The following B3GNT2 variants were observed in gnomAD, a reference collection of about 807,000 sequenced individuals.
B3GNT2 encodes N-acetyllactosaminide beta-1,3-N-acetylglucosaminyltransferase 2.
Under a neutral mutation model 27.6 loss-of-function variants are expected in B3GNT2, and 12 were observed. The ratio of observed to expected loss-of-function variants is 0.44; its 90% CI spans 0.28 to 0.71. The LOEUF (loss-of-function observed/expected upper bound fraction) is 0.71. Ranked by LOEUF, B3GNT2 falls within the 30% of genes least tolerant of loss-of-function variation. The pLI, the probability that B3GNT2 is intolerant of heterozygous loss-of-function variation, is 0.17. For synonymous variants in B3GNT2, 192 were observed against 189.7 expected (o/e 1.01, Z -0.10); for missense variants, 413 against 488.5 (o/e 0.85, Z 1.46).
rs201194611 is a variant in B3GNT2 at position 62,222,660 on chromosome 2, C to T, written c.440C>T (p.Ala147Val). The T allele has an allele frequency of 3.1e-6, 5 of 1,614,200 alleles. No homozygotes were observed. The highest frequency in any genetic ancestry group is 2.2e-5 in the South Asian group (2 of 91,084). ...KCAKKPFLLL[A>V]IKSLTPHFAR... Reference sequence around the variant, plus strand: ...GCAAAGAAACCTTTCTTGTTGCTGGCGATTAAGTCCCTCACTCCACATTTT... The same window carrying T: ...GCAAAGAAACCTTTCTTGTTGCTGGTGATTAAGTCCCTCACTCCACATTTT... Residue 147 changes from alanine to valine, a missense_variant, in exon 2 of 2, where the codon GCG (alanine) becomes GTG (valine). Transcript: ENST00000301998. The surrounding 1 kb of genome is among the most constrained non-coding windows in gnomAD (Gnocchi z 4.2).
intron 1 of B3GNT2, among the ~76,000 whole-genome samples, chr2:62,207,186 GT>G (rs915420914): frequency 2.5e-4 from 36 of 145,164 alleles, no homozygotes; most frequent in Admixed American, 1.3e-3. Flanking sequence ...CTACAGTTTT[GT>G]TTTTTTTTTT....
At position 62,202,589 on chromosome 2, in the gene B3GNT2, A is replaced by G. The variant is rs545807201; in HGVS notation, c.-10+6234A>G. Among the ~76,000 whole-genome samples the G allele has an allele frequency of 2.6e-5, 4 of 152,178 alleles. No individual in the cohort carries two copies. In the East Asian group the frequency reaches 7.7e-4, roughly 29 times the overall value. ...GAGAGAGAGGGTGTGGGTGCTGACA[A>G]GTTATGGCCAGGCTTGCATTGAGGA... On this transcript the variant is annotated intron_variant, in intron 1 of 1. Coordinates refer to ENST00000301998, the MANE Select transcript of B3GNT2 (RefSeq NM_006577.6).
At position 62,222,429 on chromosome 2, in the gene B3GNT2, A is replaced by G. The variant is rs778882641; in HGVS notation, c.209A>G (p.Tyr70Cys). Residue 70 changes from tyrosine to cysteine, a missense_variant, in exon 2 of 2, where the codon TAC becomes TGC. Physicochemically the swap from Tyr to Cys is radical, Grantham distance 194. Transcript: ENST00000301998. This position sits in a 1 kb window ranked among gnomAD's most constrained non-coding sequence, Gnocchi z 4.2. ...GAGCAAGAGAAGCTGAACCGGCAGTACAACCCCATCCTGAGCATGCTGACC... is the reference window on the plus strand; with the variant it reads ...GAGCAAGAGAAGCTGAACCGGCAGTGCAACCCCATCCTGAGCATGCTGACC... ...NREQEKLNRQ[Y>C]NPILSMLTNQ... 1.2e-6 allele frequency: 2 copies of G among 1,614,174 alleles called. No homozygotes were observed. Among genetic ancestry groups the G allele is most frequent in the South Asian group, 1.1e-5 (1 of 91,068 alleles).
chr2:62,206,212 G>A (rs548773184), intron 1 of B3GNT2, among the ~76,000 whole-genome samples: 67 of 152,218 alleles, frequency 4.4e-4, no homozygotes, highest in African/African-American at 1.5e-3. Flanking sequence ...CGTGCTCAGC[G>A]AGGATGGGGA....
At chr2:62,211,582 T>C (rs938021846) in intron 1 of B3GNT2, among the ~76,000 whole-genome samples, 2 of 152,218 alleles carry the variant, frequency 1.3e-5, no homozygotes, top group African/African-American at 4.8e-5. Flanking sequence ...TGTGATGTGG[T>C]CAGTTTTCTG....
chr2:62,222,716 G>A lies in B3GNT2; in HGVS notation c.496G>A (p.Gly166Ser), dbSNP rs370993124. ...ARRQAIRESWGQESNAGNQTV... is the reference protein window; with the variant it reads ...ARRQAIRESWSQESNAGNQTV... ...AAGGCAAGCAATCCGGGAATCCTGG[G>A]GCCAAGAAAGCAACGCAGGGAACCA... The change falls in exon 2 of 2, where the codon GGC (glycine) becomes AGC (serine). Residue 166 changes from glycine (G) to serine (S), a missense_variant. Gly to Ser is a moderately conservative substitution (Grantham distance 56). Coordinates refer to ENST00000301998, the MANE Select transcript of B3GNT2 (RefSeq NM_006577.6). This position sits in a 1 kb window ranked among gnomAD's most constrained non-coding sequence, Gnocchi z 4.2. 5.6e-6 allele frequency: 9 copies of A among 1,614,058 alleles called. No individual in the cohort carries two copies. The highest frequency in any genetic ancestry group is 4.0e-5 in the African/African-American group (3 of 74,922).
At chr2:62,211,491 G>C (rs187529616) in intron 1 of B3GNT2, among the ~76,000 whole-genome samples, 4 of 152,266 alleles carry the variant, frequency 2.6e-5, no homozygotes, top group Admixed American at 6.5e-5. Flanking sequence ...TAAGTCTTCG[G>C]GACAACAAAA....
At chr2:62,216,696 A>C (rs1674581565) in intron 1 of B3GNT2, among the ~76,000 whole-genome samples, 1 of 152,106 alleles carries the variant, frequency 6.6e-6, no homozygotes, top group Non-Finnish European at 1.5e-5. Flanking sequence ...GAGCCATGGC[A>C]CCCAGCCCAT....
chr2:62,223,326 A>G lies in B3GNT2; in HGVS notation c.1106A>G (p.Tyr369Cys), dbSNP rs755262144. The stretch of plus-strand genomic sequence containing the variant: ...AAAAACAAAAATAACATCTGCTCCT[A>G]TGTAGATCTGATGTTAGTACATAGT... ...EEKNKNNICS[Y>C]VDLMLVHSRK... is the part of the protein sequence containing the mutation. Residue 369 changes from tyrosine (Y) to cysteine (C), a missense_variant, in exon 2 of 2, where the codon TAT becomes TGT. By Grantham distance (194) the Tyr-to-Cys change is radical. Coordinates refer to ENST00000301998, the MANE Select transcript of B3GNT2 (RefSeq NM_006577.6). The G allele has an allele frequency of 1.9e-6, 3 of 1,613,800 alleles. No homozygotes were observed. Among genetic ancestry groups the G allele is most frequent in the Non-Finnish European group, 2.5e-6 (3 of 1,179,866 alleles).
At chr2:62,216,858 G>A (rs769207050) in intron 1 of B3GNT2, among the ~76,000 whole-genome samples, 2 of 152,368 alleles carry the variant, frequency 1.3e-5, no homozygotes, top group Non-Finnish European at 2.9e-5. Context: ...TAAAGTCCAC[G>A]TGAGTCACTG....
intron 1 of B3GNT2, among the ~76,000 whole-genome samples, chr2:62,206,181 T>C (rs906801605): frequency 6.6e-6 from 1 of 152,164 alleles, no homozygotes; most frequent in African/African-American, 2.4e-5. Flanking sequence ...GTGGCCTGCC[T>C]GGATCAAGGA....
chr2:62,213,139 C>G (rs1206464731), intron 1 of B3GNT2, among the ~76,000 whole-genome samples: 2 of 152,062 alleles, frequency 1.3e-5, no homozygotes, highest in East Asian at 3.9e-4. Flanking sequence ...GAGGAGACCT[C>G]GTCTCTACAA....
intron 1 of B3GNT2, among the ~76,000 whole-genome samples, chr2:62,201,742 C>A (rs892923238): frequency 1.3e-5 from 2 of 152,242 alleles, no homozygotes; most frequent in Admixed American, 6.5e-5. Context: ...CACCCTCTCT[C>A]ACCACTATAA....
Position 62,222,797 on chromosome 2 carries a change from G to C in B3GNT2, c.577G>C (p.Asp193His). 1.2e-6 allele frequency: 2 copies of C among 1,614,114 alleles called. No individual in the cohort carries two copies. The highest frequency in any genetic ancestry group is 2.2e-5 in the East Asian group (1 of 44,880). ...GACACCCCCAGAGGACAACCACCCC[G>C]ACCTTTCAGATATGCTGAAATTTGA... ...GQTPPEDNHP[D>H]LSDMLKFESE... is the part of the protein sequence containing the mutation. The change falls in exon 2 of 2, where the codon GAC becomes CAC. Residue 193 changes from aspartate (D) to histidine (H), a missense_variant. Physicochemically the swap from Asp to His is moderately conservative, Grantham distance 81. Coordinates refer to ENST00000301998, the MANE Select transcript of B3GNT2 (RefSeq NM_006577.6). This position sits in a 1 kb window ranked among gnomAD's most constrained non-coding sequence, Gnocchi z 4.2.
chr2:62,216,440 C>G (rs953595164), intron 1 of B3GNT2, among the ~76,000 whole-genome samples: 1 of 150,996 alleles, frequency 6.6e-6, no homozygotes, highest in Non-Finnish European at 1.5e-5. Flanking sequence ...GGGTCTCACT[C>G]TGTCACTCAG....
chr2:62,201,863 A>T (rs1051458337), intron 1 of B3GNT2, among the ~76,000 whole-genome samples: 10 of 152,210 alleles, frequency 6.6e-5, no homozygotes, highest in Non-Finnish European at 1.3e-4. Flanking sequence ...TTTAAAACAA[A>T]ATATGGGCCT....
chr2:62,207,082 T>A (rs1674389069), intron 1 of B3GNT2, among the ~76,000 whole-genome samples: 1 of 152,246 alleles, frequency 6.6e-6, no homozygotes, highest in Non-Finnish European at 1.5e-5. Flanking sequence ...GCATGTTCAA[T>A]GCTTTTTTGA....
At position 62,224,218 on chromosome 2, in the gene B3GNT2, G is replaced by A. The variant is rs2104218135; in HGVS notation, c.*804G>A. On this transcript the variant is annotated 3_prime_UTR_variant, in exon 2 of 2. Coordinates refer to ENST00000301998, the MANE Select transcript of B3GNT2 (RefSeq NM_006577.6). ...TTAGTGAATTTTCAATATGGACCAG[G>A]AAGGCATATGTATTTTGAACTTGAG... 6.0e-6 allele frequency: 1 copy of A among 167,168 alleles called. No individual in the cohort carries two copies. Among genetic ancestry groups the A allele is most frequent in the Non-Finnish European group, 1.5e-5 (1 of 68,102 alleles). The allele number at this position is 167,168 out of a possible 1,614,324, so 10.4% of individuals were successfully genotyped here. A position where few individuals can be genotyped will look rare whatever the true frequency, so the allele number is the denominator to read the frequency against.
Position 62,222,310 on chromosome 2 carries a change from C to T in B3GNT2, c.90C>T (p.Ser30=), listed in dbSNP as rs1394669567. The T allele has an allele frequency of 1.9e-6, 3 of 1,614,030 alleles. No homozygotes were observed. Among genetic ancestry groups the T allele is most frequent in the Non-Finnish European group, 1.7e-6 (2 of 1,180,024 alleles). The change falls in exon 2 of 2, where the codon AGC becomes AGT. Residue 30 remains serine, a synonymous_variant. Coordinates refer to ENST00000301998, the MANE Select transcript of B3GNT2 (RefSeq NM_006577.6). The surrounding 1 kb of genome is among the most constrained non-coding windows in gnomAD (Gnocchi z 4.2). The stretch of plus-strand genomic sequence containing the variant: ...ATTTTATTATGGAAGTCTCCAAAAG[C>T]AGTAGCCAAGAAAAAAATGGAAAAG... The part of the protein sequence containing the change: ...FIYFIMEVSK[S]SSQEKNGKGE...
Sources: gnomAD v4.1 joint callset for allele counts (sites outside exome capture counted in the v4.1 genomes callset) on GRCh38, gnomAD v4.1.1 for gene constraint, Gnocchi (gnomAD v3.1) non-coding constraint, MANE v1.5 for transcripts, NCBI Gene and HGNC (gene_info 2026-07-23, HGNC 2026-07-21) for gene names.